TPO: variants seen among roughly 807,000 people sequenced by gnomAD.
The protein encoded by TPO is thyroid microsomal antigen.
TPO carries 78 observed loss-of-function variants against 96.9 expected under a neutral mutation model. The observed-to-expected ratio is 0.81, with a 90% CI of 0.67 to 0.97. The LOEUF (loss-of-function observed/expected upper bound fraction) is 0.97, where lower values mean the gene tolerates loss of function less well. TPO is among the 50% of genes least tolerant of loss of function. The pLI is 0.00. For missense variants in TPO, 1,252 were observed against 1,274.8 expected (o/e 0.98, Z 0.27); for synonymous variants, 547 against 538.0 (o/e 1.02, Z -0.23).
chr2:1,484,948 G>C (rs969583953), intron 9 of TPO, 94 bp downstream of exon 9: 1 of 1,557,716 alleles, frequency 6.4e-7, no homozygotes, highest in African/African-American at 1.4e-5. Flanking sequence ...GGGTACATGT[G>C]CACAACGTGC....
intron 8 of TPO, among the ~76,000 whole-genome samples, chr2:1,480,559 T>TACACTCACACACAC (rs1670455134): frequency 2.3e-5 from 1 of 44,344 alleles, no homozygotes; most frequent in African/African-American, 9.6e-5. Context: ...TCAAACCCCC[T>TACACTCACACACAC]ACACACACAC....
intron 15 of TPO, among the ~76,000 whole-genome samples, chr2:1,525,616 G>A (rs1676264588): frequency 1.3e-5 from 1 of 78,774 alleles, no homozygotes. Flanking sequence ...CCCCCACTGT[G>A]TGCAACCTCC....
At chr2:1,382,680 G>A (rs1204527393) in intron 1 of TPO, among the ~76,000 whole-genome samples, 1 of 151,742 alleles carries the variant, frequency 6.6e-6, no homozygotes, top group Non-Finnish European at 1.5e-5. Context: ...AGGAAGACCT[G>A]GACTACATAG....
chr2:1,459,591 G>A (rs1393611801), intron 7 of TPO, among the ~76,000 whole-genome samples: 1 of 152,186 alleles, frequency 6.6e-6, no homozygotes, highest in Admixed American at 6.5e-5. Flanking sequence ...AAGACAGGCT[G>A]GTCCCTGGAA....
chr2:1,484,824 T>G lies in TPO; in HGVS notation c.1567T>G (p.Phe523Val). The G allele has an allele frequency of 6.2e-7, 1 of 1,614,006 alleles. No homozygotes were observed. Among genetic ancestry groups the G allele is most frequent in the Non-Finnish European group, 8.5e-7 (1 of 1,180,030 alleles). The stretch of plus-strand genomic sequence containing the variant: ...GCCCGGGCTGTGGCTGCACCAGGCT[T>G]TCTTCAGCCCATGGACATTACTCCG... ...DLPGLWLHQA[F>V]FSPWTLLRGG... The change falls in exon 9 of 17, where the codon TTC (phenylalanine) becomes GTC (valine). Residue 523 changes from phenylalanine (F) to valine (V), a missense_variant. Transcript: ENST00000329066.
At position 1,512,335 on chromosome 2, in the gene TPO, G is replaced by T. The variant is rs1348976882; in HGVS notation, c.2519-4548G>T. ...TAGAGTTGAGACGTTCCCTCCCAGT[G>T]CTACCTCTTTGCTAAGGAATCCTCC... On this transcript the variant is annotated intron_variant, in intron 14 of 16. Coordinates refer to ENST00000329066, the MANE Select transcript of TPO (RefSeq NM_001206744.2). The T allele has an allele frequency of 6.3e-6, 6 of 945,386 alleles. No homozygotes were observed. In the South Asian group the frequency reaches 2.9e-4, roughly 46 times the overall value. The allele number at this position is 945,386 out of a possible 1,614,324, so 58.6% of individuals were successfully genotyped here. A position where few individuals can be genotyped will look rare whatever the true frequency, so the allele number is the denominator to read the frequency against.
At chr2:1,493,655 G>A in intron 10 of TPO, 147 bp from the exon 11 acceptor site, 1 of 923,548 alleles carries the variant, frequency 1.1e-6, no homozygotes. Flanking sequence ...GAATATCCTA[G>A]CCTGGCAAAC....
Position 1,435,245 on chromosome 2 carries a change from C to T in TPO, c.350-1007C>T, listed in dbSNP as rs368284739. Among the ~76,000 whole-genome samples the T allele has an allele frequency of 5.2e-4, 79 of 152,306 alleles. 1 individual carries two copies. The highest frequency in any genetic ancestry group is 5.1e-3 in the Admixed American group (78 of 15,298). On this transcript the variant is annotated intron_variant, in intron 4 of 16. Coordinates refer to ENST00000329066, the MANE Select transcript of TPO (RefSeq NM_001206744.2). ...ACCGTACCCGGCCAATGGTTCTTTT[C>T]TATCGCACATGATTTGTTGTCTGCA...
intron 6 of TPO, among the ~76,000 whole-genome samples, chr2:1,454,584 C>T (rs749194053): frequency 1.4e-4 from 21 of 152,162 alleles, no homozygotes; most frequent in South Asian, 1.0e-3. Flanking sequence ...TCACTGAAGA[C>T]GGCTCGGTGC....
intron 1 of TPO, among the ~76,000 whole-genome samples, chr2:1,408,313 G>C (rs1384973170): frequency 1.3e-5 from 2 of 152,176 alleles, no homozygotes; most frequent in Non-Finnish European, 2.9e-5. Context: ...ACTGGAATCA[G>C]CTCCTCTCCC....
intron 15 of TPO, among the ~76,000 whole-genome samples, chr2:1,529,821 GCCTCCCCAAATCCCCCCGACGCTGTGCAA>G (rs1444751598): frequency 2.3e-4 from 7 of 30,006 alleles, no homozygotes; most frequent in African/African-American, 9.5e-4. Flanking sequence ...ATTGTGTGCA[GCCTCCCCAAATCCCCCCGACGCTGTGCAA>G]CCTCCCAAAA....
At chr2:1,466,389 G>T (rs937143379) in intron 7 of TPO, among the ~76,000 whole-genome samples, 13 of 152,224 alleles carry the variant, frequency 8.5e-5, no homozygotes, top group African/African-American at 2.2e-4. Flanking sequence ...TACTATTAGG[G>T]TGATACTGGC....
intron 6 of TPO, among the ~76,000 whole-genome samples, chr2:1,454,461 C>G (rs139765483): frequency 3.7e-4 from 56 of 152,242 alleles, no homozygotes; most frequent in Non-Finnish European, 6.3e-4. Flanking sequence ...GCACAGAGTT[C>G]CCCTACAAAA....
intron 13 of TPO, among the ~76,000 whole-genome samples, chr2:1,503,587 C>A (rs1001522917): frequency 1.2e-4 from 18 of 152,134 alleles, no homozygotes; most frequent in Non-Finnish European, 1.9e-4. Flanking sequence ...GCGAAGCAGA[C>A]CCTGCCCCAC....
chr2:1,396,801 G>T (rs1662088629), intron 1 of TPO, among the ~76,000 whole-genome samples: 1 of 152,082 alleles, frequency 6.6e-6, no homozygotes. Flanking sequence ...GCTATGTGTG[G>T]GCAAATGAAT....
chr2:1,534,341 A>G (rs1163965058), intron 15 of TPO, among the ~76,000 whole-genome samples: 2 of 138,540 alleles, frequency 1.4e-5, no homozygotes, highest in Non-Finnish European at 3.1e-5. Flanking sequence ...ACTGTGTGCA[A>G]CTTCCCTAAG....
intron 5 of TPO, among the ~76,000 whole-genome samples, chr2:1,448,051 G>C (rs1372246292): frequency 6.6e-6 from 1 of 152,198 alleles, no homozygotes; most frequent in Non-Finnish European, 1.5e-5. Context: ...CAGGAAGAGA[G>C]GCCGGCTTCA....
In TPO at chr2:1,540,694, CAGCGG is replaced by C. The variant is rs781083069; in HGVS notation, c.2720_2724del (p.Gln907ArgfsTer72). On this transcript the variant is annotated frameshift_variant, in exon 16 of 17. Coordinates refer to ENST00000329066, the MANE Select transcript of TPO (RefSeq NM_001206744.2). LOFTEE classifies it low-confidence loss of function (END_TRUNC). ...GCACCAGGCCGTAGGGACCTCACCGCAGCGGGCCGCAGCTCAGGACTCGGAGCAGG... is the reference window on the plus strand; with the variant it reads ...GCACCAGGCCGTAGGGACCTCACCGCGCCGCAGCTCAGGACTCGGAGCAGG... 2.5e-6 allele frequency: 4 copies of C among 1,613,372 alleles called. No homozygotes were observed. In the South Asian group the frequency reaches 4.4e-5, roughly 18 times the overall value.
intron 13 of TPO, among the ~76,000 whole-genome samples, chr2:1,501,676 G>C (rs796535995): frequency 2.0e-5 from 3 of 152,314 alleles, no homozygotes; most frequent in African/African-American, 7.2e-5. Flanking sequence ...ATAGGAAGCA[G>C]AGACAAGACA....
Sources: allele counts gnomAD v4.1 joint callset (sites outside exome capture counted in the v4.1 genomes callset), GRCh38; gene constraint gnomAD v4.1.1; transcripts MANE v1.5; gene names NCBI Gene and HGNC (gene_info 2026-07-23, HGNC 2026-07-21).